Variants in TMEM181 observed in about 807,000 individuals in gnomAD.
TMEM181 encodes the protein transmembrane protein 181, also known as G protein-coupled receptor 178.
A neutral mutation model predicts 71.9 loss-of-function variants in TMEM181; 39 were observed. The observed-to-expected ratio is 0.54, with a 90% confidence interval of 0.42 to 0.71. The LOEUF is 0.71. TMEM181 is among the 30% of genes least tolerant of loss of function. The pLI is 0.00. For synonymous variants in TMEM181, 245 were observed against 228.8 expected (o/e 1.07, Z -0.64); for missense variants, 595 against 583.0 (o/e 1.02, Z -0.21).
intron 1 of TMEM181, among the ~76,000 whole-genome samples, chr6:158,543,121 T>C (rs1481888267): frequency 6.6e-6 from 1 of 152,070 alleles, no homozygotes; most frequent in African/African-American, 2.4e-5. Flanking sequence ...GTGGTCTGCT[T>C]GCCTCAGCCT....
At chr6:158,563,310 A>G (rs546794140) in intron 1 of TMEM181, among the ~76,000 whole-genome samples, 40 of 152,050 alleles carry the variant, frequency 2.6e-4, no homozygotes, top group South Asian at 4.1e-4. Context: ...TGCCCGGCTA[A>G]TTTTTGTATT....
At chr6:158,607,422 C>A in intron 8 of TMEM181, 79 bp downstream of exon 8, 4 of 1,340,112 alleles carry the variant, frequency 3.0e-6, no homozygotes, top group South Asian at 1.2e-5. Context: ...TTGTGCCTGT[C>A]ATCCCAGCAC....
intron 2 of TMEM181, among the ~76,000 whole-genome samples, chr6:158,574,530 T>A (rs1392642055): frequency 1.3e-5 from 2 of 152,222 alleles, no homozygotes; most frequent in African/African-American, 4.8e-5. Flanking sequence ...AGCCACCTTC[T>A]GTTATTTTAA....
intron 1 of TMEM181, among the ~76,000 whole-genome samples, chr6:158,541,499 T>C (rs1781342607): frequency 6.6e-6 from 1 of 152,158 alleles, no homozygotes; most frequent in Non-Finnish European, 1.5e-5. Flanking sequence ...ACCCATCTCC[T>C]CCTCTGATGG....
chr6:158,631,920 C>A lies in TMEM181; in HGVS notation c.*32C>A. The A allele has an allele frequency of 1.3e-6, 2 of 1,551,468 alleles. No individual in the cohort carries two copies. Among genetic ancestry groups the A allele is most frequent in the Non-Finnish European group, 1.7e-6 (2 of 1,143,448 alleles). ...GCCAGCCCAGCGAGGCGACAAGATG[C>A]CTGGATGCTTTCCCCGGTGACCGTC... On this transcript the variant is annotated 3_prime_UTR_variant, in exon 17 of 17. Coordinates refer to ENST00000684151, the MANE Select transcript of TMEM181 (RefSeq NM_001376852.1).
chr6:158,604,432 G>A (rs143354698), intron 6 of TMEM181, among the ~76,000 whole-genome samples: 1 of 152,290 alleles, frequency 6.6e-6, no homozygotes, highest in Non-Finnish European at 1.5e-5. Context: ...TTAATTCAAT[G>A]CATCAGAATG....
rs555488656 is a variant in TMEM181, at chr6:158,547,393, C to T, written c.131+10528C>T. 1.0e-3 allele frequency among the ~76,000 whole-genome samples: 156 copies of T among 152,294 alleles called. No homozygotes were observed. The South Asian group carries it at 0.024, about 23-fold the overall frequency. ...TTTTTTTAAAGCTCCCCAGGTGATT[C>T]TAGCTTCTGCAGATACTGAGACCCA... On this transcript the variant is annotated intron_variant, in intron 1 of 16. Transcript: ENST00000367090.
intron 1 of TMEM181, among the ~76,000 whole-genome samples, chr6:158,537,244 G>C (rs1173732209): frequency 6.6e-6 from 1 of 151,826 alleles, no homozygotes; most frequent in South Asian, 2.1e-4. Context: ...GCCCCCGCTC[G>C]GGCCTCACGC....
chr6:158,627,648 G>A (rs761741389), intron 13 of TMEM181, among the ~76,000 whole-genome samples: 7 of 152,258 alleles, frequency 4.6e-5, no homozygotes, highest in Non-Finnish European at 8.8e-5. Context: ...TGGCGAGGTG[G>A]AGAGACAGCT....
At chr6:158,563,727 C>T (rs1434532770) in intron 1 of TMEM181, among the ~76,000 whole-genome samples, 2 of 152,244 alleles carry the variant, frequency 1.3e-5, no homozygotes, top group Non-Finnish European at 2.9e-5. Context: ...CATGAACTCA[C>T]CAGTCCTTGG....
chr6:158,614,691 G>C (rs965178162), intron 10 of TMEM181, among the ~76,000 whole-genome samples: 1 of 152,098 alleles, frequency 6.6e-6, no homozygotes, highest in Non-Finnish European at 1.5e-5. Context: ...CTGTGTCCAA[G>C]TGTTCTCATT....
intron 1 of TMEM181, among the ~76,000 whole-genome samples, chr6:158,561,459 C>G (rs1237145006): frequency 6.6e-6 from 1 of 152,206 alleles, no homozygotes; most frequent in Non-Finnish European, 1.5e-5. Context: ...GGAACGGTGT[C>G]TTGTGGAACT....
chr6:158,608,523 C>T (rs1027400724), intron 9 of TMEM181, 60 bp downstream of exon 9: 35 of 1,612,446 alleles, frequency 2.2e-5, no homozygotes, highest in Middle Eastern at 1.7e-4. Context: ...CCCTCCCGAA[C>T]TCTGAGGACA....
Position 158,631,889 on chromosome 6 carries a change from G to T in TMEM181, c.*1G>T. 1 of 1,583,642 alleles carries T rather than the reference G, an allele frequency of 6.3e-7. No homozygotes were observed. ...CAAGGAGGAGTCAGATAGTGACTGAGCCCCGGCCAGCCCAGCGAGGCGACA... is the reference window on the plus strand; with the variant it reads ...CAAGGAGGAGTCAGATAGTGACTGATCCCCGGCCAGCCCAGCGAGGCGACA... On this transcript the variant is annotated 3_prime_UTR_variant, in exon 17 of 17. Coordinates refer to ENST00000684151, the MANE Select transcript of TMEM181 (RefSeq NM_001376852.1).
intron 3 of TMEM181, among the ~76,000 whole-genome samples, 181 bp downstream of exon 3, chr6:158,581,176 C>T (rs1783449029): frequency 6.6e-6 from 1 of 152,186 alleles, no homozygotes; most frequent in African/African-American, 2.4e-5. Flanking sequence ...CTAAAGTCAC[C>T]ATTTCTGCTG....
chr6:158,563,234 C>G (rs969751763), intron 1 of TMEM181, among the ~76,000 whole-genome samples: 4 of 152,156 alleles, frequency 2.6e-5, no homozygotes, highest in African/African-American at 9.7e-5. Context: ...ACCTCTGCCT[C>G]CCGGGTTCAA....
intron 1 of TMEM181, among the ~76,000 whole-genome samples, chr6:158,543,815 T>C (rs933986388): frequency 6.6e-6 from 1 of 152,170 alleles, no homozygotes; most frequent in Non-Finnish European, 1.5e-5. Flanking sequence ...TTCAGCATCT[T>C]TTTGGGGACA....
chr6:158,626,574 TC>T, intron 13 of TMEM181: 1 of 456,626 alleles, frequency 2.2e-6, no homozygotes, highest in Non-Finnish European at 4.4e-6. Context: ...GAGATAGGCA[TC>T]CAAGGTCGTC....
chr6:158,608,895 C>T (rs1236699480), intron 10 of TMEM181, 145 bp downstream of exon 10: 8 of 723,680 alleles, frequency 1.1e-5, no homozygotes, highest in Admixed American at 5.7e-5. Context: ...CTCAGGAGTT[C>T]AAGACCAGCC....
Sources: allele counts gnomAD v4.1 joint callset (sites outside exome capture counted in the v4.1 genomes callset), GRCh38; gene constraint gnomAD v4.1.1; transcripts MANE v1.5; gene names NCBI Gene and HGNC (gene_info 2026-07-23, HGNC 2026-07-21).